The following MAP3K19 variants were observed in gnomAD, a reference collection of about 807,000 sequenced individuals.
MAP3K19 encodes the protein SPS1/STE20-related protein kinase YSK4.
A neutral mutation model predicts 114.4 loss-of-function variants in MAP3K19; 91 were observed. The ratio of observed to expected loss-of-function variants is 0.80; its 90% CI spans 0.67 to 0.95. The LOEUF is 0.95. MAP3K19 is among the 40% of genes least tolerant of loss of function. The probability of loss-of-function intolerance (pLI) is 0.00; values close to 1 mark genes in which losing one functional copy is unlikely to be tolerated. For synonymous variants in MAP3K19, 518 were observed against 530.5 expected (o/e 0.98, Z 0.32); for missense variants, 1,471 against 1,573.2 (o/e 0.94, Z 1.10).
At chr2:134,982,140 C>T (rs1337741710) in intron 11 of MAP3K19, among the ~76,000 whole-genome samples, 1 of 112,834 alleles carries the variant, frequency 8.9e-6, no homozygotes, top group Non-Finnish European at 1.7e-5. Context: ...TTTTTGGAGA[C>T]AGAGTCTCTC....
At chr2:135,015,689 T>C (rs1687537603) in intron 5 of MAP3K19, among the ~76,000 whole-genome samples, 1 of 151,882 alleles carries the variant, frequency 6.6e-6, no homozygotes, top group South Asian at 2.1e-4. Flanking sequence ...GGTCAGGAGA[T>C]CAAGACCATC....
intron 2 of MAP3K19, among the ~76,000 whole-genome samples, chr2:135,037,143 C>T (rs954940078): frequency 2.0e-5 from 3 of 152,114 alleles, no homozygotes; most frequent in Non-Finnish European, 4.4e-5. Flanking sequence ...ATTACAGGAA[C>T]CCGCCATCAT....
At chr2:134,974,946 A>G (rs912247760) in intron 12 of MAP3K19, among the ~76,000 whole-genome samples, 3 of 152,186 alleles carry the variant, frequency 2.0e-5, no homozygotes, top group African/African-American at 7.2e-5. Flanking sequence ...TGGTCTTAGT[A>G]TAATTTCTTC....
intron 10 of MAP3K19, among the ~76,000 whole-genome samples, chr2:134,984,481 T>G (rs1209559944): frequency 6.6e-6 from 1 of 152,018 alleles, no homozygotes; most frequent in African/African-American, 2.4e-5. Flanking sequence ...TGACCTACAA[T>G]GTGCAGCAAC....
intron 5 of MAP3K19, among the ~76,000 whole-genome samples, chr2:135,012,763 T>C (rs1251353899): frequency 6.6e-6 from 1 of 152,186 alleles, no homozygotes; most frequent in Non-Finnish European, 1.5e-5. Context: ...AATAATTTAA[T>C]GTTCTTATGC....
chr2:135,041,549 G>A (rs1003544545), intron 1 of MAP3K19, among the ~76,000 whole-genome samples: 7 of 151,918 alleles, frequency 4.6e-5, no homozygotes, highest in Non-Finnish European at 8.8e-5. Context: ...GGCTGGTCTC[G>A]AATTCCTGAC....
chr2:135,002,285 A>G (rs1686499093), intron 6 of MAP3K19, among the ~76,000 whole-genome samples: 1 of 152,246 alleles, frequency 6.6e-6, no homozygotes, highest in African/African-American at 2.4e-5. Context: ...CAGAAAAATG[A>G]TCATTAATTT....
chr2:135,026,090 G>A (rs549410070), intron 3 of MAP3K19, among the ~76,000 whole-genome samples: 34 of 152,282 alleles, frequency 2.2e-4, no homozygotes, highest in African/African-American at 8.2e-4. Flanking sequence ...TAATTCAAAA[G>A]AAATAGCATA....
At chr2:135,026,498 T>C (rs1688258301) in intron 3 of MAP3K19, among the ~76,000 whole-genome samples, 1 of 139,018 alleles carries the variant, frequency 7.2e-6, no homozygotes, top group African/African-American at 3.1e-5. Context: ...TGAAGCTCCC[T>C]CCTCCTTTTT....
intron 12 of MAP3K19, 87 bp from the exon 13 acceptor site, chr2:134,965,003 C>T (rs994232171): frequency 1.7e-5 from 17 of 993,450 alleles, no homozygotes; most frequent in South Asian, 6.0e-5. Flanking sequence ...CTTTTAAAGA[C>T]GGAAATACAA....
chr2:135,040,338 T>G (rs1688621838), intron 2 of MAP3K19, 25 bp downstream of exon 2: 1 of 152,634 alleles, frequency 6.6e-6, no homozygotes, highest in Non-Finnish European at 1.5e-5. Flanking sequence ...CTTTTTATCC[T>G]TGAGCCCAGC....
At chr2:134,988,294 T>C in intron 9 of MAP3K19, 41 bp from the exon 10 acceptor site, 1 of 1,477,334 alleles carries the variant, frequency 6.8e-7, no homozygotes, top group Admixed American at 2.2e-5. Context: ...CAGAAACATA[T>C]ATAAATATCA....
chr2:134,968,838 T>A (rs367743928), intron 12 of MAP3K19, among the ~76,000 whole-genome samples: 10 of 143,520 alleles, frequency 7.0e-5, no homozygotes, highest in South Asian at 4.5e-4. Context: ...GGATGGCGGC[T>A]GGGCAGAGAC....
At chr2:135,024,822 TACATC>T in intron 3 of MAP3K19, 81 bp from the exon 4 acceptor site, 1 of 571,896 alleles carries the variant, frequency 1.7e-6, no homozygotes, top group Non-Finnish European at 3.1e-6. Context: ...GGGAAACATT[TACATC>T]AAATAAATAA....
At chr2:135,013,368 C>T (rs1687371081) in intron 5 of MAP3K19, among the ~76,000 whole-genome samples, 1 of 151,798 alleles carries the variant, frequency 6.6e-6, no homozygotes, top group South Asian at 2.1e-4. Context: ...TTCCCATATA[C>T]CCCCTGCTCC....
At chr2:134,968,726 A>G (rs1360976406) in intron 12 of MAP3K19, among the ~76,000 whole-genome samples, 1 of 147,580 alleles carries the variant, frequency 6.8e-6, no homozygotes, top group Non-Finnish European at 1.5e-5. Context: ...GGCAGGGCAG[A>G]GGCGGTCCCC....
At position 134,997,817 on chromosome 2, in the gene MAP3K19, C is replaced by CAAAAAAAAAAAAAAAAAAAA. The variant is rs1187957592; in HGVS notation, c.574+920_574+921insTTTTTTTTTTTTTTTTTTTT. ...CTGGTGACAGAGCGAGACTCCGTCT[C>CAAAAAAAAAAAAAAAAAAAA]AAAAAAAAAAAAACTTTAAGCACTG... On this transcript the variant is annotated intron_variant, in intron 8 of 12. Coordinates refer to ENST00000392915, the MANE Select transcript of MAP3K19 (RefSeq NM_025052.5). 7.5e-4 allele frequency among the ~76,000 whole-genome samples: 68 copies of CAAAAAAAAAAAAAAAAAAAA among 90,918 alleles called. 3 individuals are homozygous for CAAAAAAAAAAAAAAAAAAAA. Among genetic ancestry groups the CAAAAAAAAAAAAAAAAAAAA allele is most frequent in the African/African-American group, 1.6e-3 (39 of 24,580 alleles). 59.6% of individuals were successfully genotyped at this position (90,918 alleles called of 152,430 possible). A position where few individuals can be genotyped will look rare whatever the true frequency, so the allele number is the denominator to read the frequency against.
chr2:134,991,097 C>A (rs533278359), intron 9 of MAP3K19, among the ~76,000 whole-genome samples: 1 of 151,712 alleles, frequency 6.6e-6, no homozygotes, highest in African/African-American at 2.4e-5. Context: ...GTCAGGAGAT[C>A]GAGACCATCC....
At chr2:135,025,121 T>C (rs1688201966) in intron 3 of MAP3K19, among the ~76,000 whole-genome samples, 1 of 152,110 alleles carries the variant, frequency 6.6e-6, no homozygotes, top group Non-Finnish European at 1.5e-5. Context: ...TAAAACATTT[T>C]GATAAATGAT....
Sources: gnomAD v4.1 joint callset for allele counts (sites outside exome capture counted in the v4.1 genomes callset) on GRCh38, gnomAD v4.1.1 for gene constraint, MANE v1.5 for transcripts, NCBI Gene and HGNC (gene_info 2026-07-23, HGNC 2026-07-21) for gene names.